Variants in DNAH7 observed in about 807,000 individuals in gnomAD.
The protein encoded by DNAH7 is axonemal beta dynein heavy chain 7.
A neutral mutation model predicts 444.6 loss-of-function variants in DNAH7; 397 were observed. That is an observed-to-expected ratio of 0.89 (90% CI 0.82 to 0.97). The LOEUF (loss-of-function observed/expected upper bound fraction) is 0.97, where lower values mean the gene tolerates loss of function less well. Ranked by LOEUF, DNAH7 falls within the 50% of genes least tolerant of loss-of-function variation. The probability of loss-of-function intolerance (pLI) is 0.00; values close to 1 mark genes in which losing one functional copy is unlikely to be tolerated. For missense variants in DNAH7, 4,902 were observed against 4,800.8 expected (o/e 1.02, Z -0.62); for synonymous variants, 1,636 against 1,624.4 (o/e 1.01, Z -0.17).
intron 51 of DNAH7, among the ~76,000 whole-genome samples, chr2:195,816,153 G>A (rs1697208950): frequency 6.6e-6 from 1 of 152,104 alleles, no homozygotes; most frequent in African/African-American, 2.4e-5. Context: ...AGTATTTTAT[G>A]TAAATAAGAA....
At chr2:195,940,254 T>C (rs758536659) in intron 19 of DNAH7, among the ~76,000 whole-genome samples, 4 of 151,864 alleles carry the variant, frequency 2.6e-5, no homozygotes, top group Non-Finnish European at 5.9e-5. Flanking sequence ...ACAAACCTGA[T>C]AAAAACAAGC....
intron 63 of DNAH7, 90 bp downstream of exon 63, chr2:195,754,247 C>CT (rs1693956814): frequency 5.2e-6 from 7 of 1,334,002 alleles, no homozygotes; most frequent in Admixed American, 2.3e-5. Flanking sequence ...ATGTTTATTA[C>CT]TTTTTTAACA....
intron 46 of DNAH7, among the ~76,000 whole-genome samples, chr2:195,847,481 G>A (rs1699078215): frequency 6.6e-6 from 1 of 151,476 alleles, no homozygotes; most frequent in African/African-American, 2.4e-5. Flanking sequence ...ATAGACACTG[G>A]GGCCTACTTG....
At chr2:195,740,341 C>T (rs1406296358) in intron 64 of DNAH7, among the ~76,000 whole-genome samples, 1 of 152,048 alleles carries the variant, frequency 6.6e-6, no homozygotes, top group African/African-American at 2.4e-5. Context: ...GCTCATGCCT[C>T]AACGAAGCTC....
chr2:195,876,844 C>T (rs895656461), intron 36 of DNAH7, 145 bp from the exon 37 acceptor site: 42 of 613,980 alleles, frequency 6.8e-5, no homozygotes, highest in Admixed American at 3.0e-5. Flanking sequence ...GTAGGAATAA[C>T]AGTTACCATG....
intron 63 of DNAH7, among the ~76,000 whole-genome samples, chr2:195,753,036 G>C (rs908972958): frequency 6.6e-5 from 10 of 152,188 alleles, no homozygotes; most frequent in Non-Finnish European, 1.5e-4. Context: ...AGATTCTAGA[G>C]CATGTTGTAG....
chr2:195,906,641 T>C lies in DNAH7; in HGVS notation c.4335+18A>G, dbSNP rs773683199. 10 of 1,605,546 alleles carry C rather than the reference T, an allele frequency of 6.2e-6. No individual in the cohort carries two copies. In the East Asian group the frequency reaches 2.0e-4, roughly 32 times the overall value. ...AATTATAGAGAAGAAATAGATTATA[T>C]AATAACTCCTTCCATACCTTCAGGT... On this transcript the variant is annotated intron_variant, in intron 27 of 64. Coordinates refer to ENST00000312428, the MANE Select transcript of DNAH7 (RefSeq NM_018897.3).
At chr2:196,016,901 C>T (rs1057292120) in intron 9 of DNAH7, among the ~76,000 whole-genome samples, 5 of 151,860 alleles carry the variant, frequency 3.3e-5, no homozygotes, top group East Asian at 3.9e-4. Context: ...TTCTGTAAAC[C>T]GAAAATCTAT....
At chr2:195,927,632 C>G (rs991681873) in intron 21 of DNAH7, among the ~76,000 whole-genome samples, 1 of 151,682 alleles carries the variant, frequency 6.6e-6, no homozygotes, top group Non-Finnish European at 1.5e-5. Context: ...GAAAGACATT[C>G]AAATCTGGAT....
At chr2:195,951,163 G>T (rs12475069) in intron 19 of DNAH7, among the ~76,000 whole-genome samples, 1 of 152,224 alleles carries the variant, frequency 6.6e-6, no homozygotes, top group Non-Finnish European at 1.5e-5. Context: ...CGGCTTCAAA[G>T]AACTTATTTA....
intron 10 of DNAH7, among the ~76,000 whole-genome samples, chr2:196,011,755 C>A (rs996517724): frequency 1.3e-5 from 2 of 152,140 alleles, no homozygotes; most frequent in African/African-American, 2.4e-5. Context: ...ATCTGCATTT[C>A]TCAGCAAAAA....
In DNAH7 at chr2:195,800,607, C is replaced by T. The variant is rs559558070; in HGVS notation, c.10177-1135G>A. On this transcript the variant is annotated intron_variant, in intron 54 of 64. Coordinates refer to ENST00000312428, the MANE Select transcript of DNAH7 (RefSeq NM_018897.3). ...TTTTCTACTTCACTTTTCAAGGGCA[C>T]ATCTGCAATGCTTCTGATAAAGTCA... Among the ~76,000 whole-genome samples the T allele has an allele frequency of 1.1e-3, 166 of 152,286 alleles. 2 individuals are homozygous for T. The highest frequency in any genetic ancestry group is 3.8e-3 in the African/African-American group (158 of 41,558).
In DNAH7 at chr2:195,737,790, A is replaced by T; in HGVS notation, c.*131T>A. 1.3e-6 allele frequency: 1 copy of T among 761,608 alleles called. No individual in the cohort carries two copies. The allele number at this position is 761,608 out of a possible 1,614,324, so 47.2% of individuals were successfully genotyped here. On this transcript the variant is annotated 3_prime_UTR_variant, in exon 65 of 65. Transcript: ENST00000312428. Reference sequence around the variant, plus strand: ...ATTAAGTTTAGCTGCATTTGCTCATAAGTAAATTCATAATTATAACTTTAG... The same window carrying T: ...ATTAAGTTTAGCTGCATTTGCTCATTAGTAAATTCATAATTATAACTTTAG...
intron 59 of DNAH7, among the ~76,000 whole-genome samples, chr2:195,776,251 C>A (rs1406206346): frequency 6.6e-6 from 1 of 152,068 alleles, no homozygotes; most frequent in African/African-American, 2.4e-5. Flanking sequence ...TGAGACCAGC[C>A]TGACCAACAT....
At chr2:196,020,293 T>C (rs1239615659) in intron 8 of DNAH7, among the ~76,000 whole-genome samples, 1 of 152,188 alleles carries the variant, frequency 6.6e-6, no homozygotes, top group Non-Finnish European at 1.5e-5. Context: ...AAAAATTATA[T>C]GTGGTATAGG....
chr2:195,767,074 G>GT (rs1385791102), intron 61 of DNAH7, among the ~76,000 whole-genome samples: 1 of 151,630 alleles, frequency 6.6e-6, no homozygotes, highest in East Asian at 1.9e-4. Flanking sequence ...TATGCTTTTT[G>GT]TTTTTCTAAC....
chr2:195,737,890 G>GAAAT lies in DNAH7; in HGVS notation c.*27_*30dup, dbSNP rs147974774. The GAAAT allele has an allele frequency of 0.16, 251,417 of 1,601,832 alleles. 21,040 individuals carry two copies. The highest frequency in any genetic ancestry group is 0.24 in the Middle Eastern group (1,428 of 6,022). ...CTTTCTCTACTCAGCCAGCCAACAAGAAATAGGAACAAGGAAATGATGTCT... is the reference window on the plus strand; with the variant it reads ...CTTTCTCTACTCAGCCAGCCAACAAGAAATAAATAGGAACAAGGAAATGATGTCT... On this transcript the variant is annotated 3_prime_UTR_variant, in exon 65 of 65. Coordinates refer to ENST00000312428, the MANE Select transcript of DNAH7 (RefSeq NM_018897.3).
intron 5 of DNAH7, among the ~76,000 whole-genome samples, chr2:196,038,785 T>C (rs1011797262): frequency 6.6e-6 from 1 of 152,018 alleles, no homozygotes; most frequent in Non-Finnish European, 1.5e-5. Flanking sequence ...TAAAAAGAGA[T>C]AAAGGAGGTC....
chr2:195,928,206 A>G (rs1257199947), intron 21 of DNAH7, among the ~76,000 whole-genome samples: 1 of 152,160 alleles, frequency 6.6e-6, no homozygotes, highest in African/African-American at 2.4e-5. Flanking sequence ...TAATTTGTTT[A>G]GGATTATGGA....
Sources: allele counts gnomAD v4.1 joint callset (sites outside exome capture counted in the v4.1 genomes callset), GRCh38; gene constraint gnomAD v4.1.1; transcripts MANE v1.5; gene names NCBI Gene and HGNC (gene_info 2026-07-23, HGNC 2026-07-21).